The following CTNNA2 variants were observed in gnomAD, a reference collection of about 807,000 sequenced individuals.
CTNNA2 encodes catenin alpha-2.
Under a neutral mutation model 101.0 loss-of-function variants are expected in CTNNA2, and 42 were observed. The observed-to-expected ratio is 0.42, with a 90% confidence interval of 0.32 to 0.54. CTNNA2 has a LOEUF of 0.54. Among genes scored for constraint, CTNNA2 ranks in the 20% least tolerant of loss-of-function variants. The pLI is 0.14. For missense variants in CTNNA2, 871 were observed against 1,223.1 expected (o/e 0.71, Z 4.29); for synonymous variants, 450 against 456.4 (o/e 0.99, Z 0.18).
At chr2:80,105,052 G>T (rs1036720369) in intron 7 of CTNNA2, among the ~76,000 whole-genome samples, 1 of 152,126 alleles carries the variant, frequency 6.6e-6, no homozygotes, top group Non-Finnish European at 1.5e-5. Context: ...AAAGTTTCGT[G>T]CTTCTTCAAA....
intron 3 of CTNNA2, among the ~76,000 whole-genome samples, chr2:79,846,948 C>G (rs1680274229): frequency 6.6e-6 from 1 of 152,100 alleles, no homozygotes; most frequent in Admixed American, 6.5e-5. Context: ...TGTTAATTGG[C>G]TTAAAAAGTA....
intron 9 of CTNNA2, among the ~76,000 whole-genome samples, chr2:80,482,771 A>G (rs1470660663): frequency 1.3e-5 from 2 of 152,170 alleles, no homozygotes; most frequent in East Asian, 1.9e-4. Context: ...CAAATATGCA[A>G]TCTGATATCT....
chr2:80,429,102 T>C (rs1681251891), intron 9 of CTNNA2, among the ~76,000 whole-genome samples: 1 of 152,086 alleles, frequency 6.6e-6, no homozygotes, highest in South Asian at 2.1e-4. Flanking sequence ...AAGTATATAT[T>C]CCAGTACTAT....
intron 1 of CTNNA2, among the ~76,000 whole-genome samples, chr2:79,597,054 C>T (rs1677234897): frequency 6.6e-6 from 1 of 152,166 alleles, no homozygotes; most frequent in Non-Finnish European, 1.5e-5. Context: ...AATGTGGCCT[C>T]ATATATATAG....
intron 9 of CTNNA2, among the ~76,000 whole-genome samples, chr2:80,523,217 G>A (rs192667963): frequency 8.5e-5 from 13 of 152,194 alleles, no homozygotes; most frequent in African/African-American, 3.1e-4. Context: ...ATGTCAAGCA[G>A]CCTCAGTGGG....
At chr2:80,207,956 A>G (rs1342661474) in intron 7 of CTNNA2, among the ~76,000 whole-genome samples, 1 of 152,338 alleles carries the variant, frequency 6.6e-6, no homozygotes, top group Non-Finnish European at 1.5e-5. Flanking sequence ...ACAGGAAAAA[A>G]GAAATTGTCA....
intron 9 of CTNNA2, among the ~76,000 whole-genome samples, chr2:80,434,038 C>T (rs1681793329): frequency 6.6e-6 from 1 of 152,152 alleles, no homozygotes; most frequent in Admixed American, 6.5e-5. Flanking sequence ...AAATGACTGC[C>T]TCAGAATTCT....
intron 9 of CTNNA2, among the ~76,000 whole-genome samples, chr2:80,423,935 C>T (rs1025008686): frequency 6.6e-6 from 1 of 151,982 alleles, no homozygotes; most frequent in African/African-American, 2.4e-5. Context: ...AAGGGTAGGA[C>T]TGACTTAAAA....
At chr2:80,492,302 GACTCC>G (rs1221237341) in intron 9 of CTNNA2, among the ~76,000 whole-genome samples, 5 of 152,032 alleles carry the variant, frequency 3.3e-5, no homozygotes, top group Non-Finnish European at 5.9e-5. Flanking sequence ...GTTTCCTGAG[GACTCC>G]CCAGCCATGC....
chr2:79,897,156 A>G (rs918872874), intron 6 of CTNNA2, among the ~76,000 whole-genome samples: 25 of 152,290 alleles, frequency 1.6e-4, no homozygotes, highest in African/African-American at 5.5e-4. Flanking sequence ...CACAAAATTA[A>G]TCTAATAGAA....
At chr2:80,582,218 A>G (rs1394974205) in intron 14 of CTNNA2, among the ~76,000 whole-genome samples, 1 of 152,168 alleles carries the variant, frequency 6.6e-6, no homozygotes, top group Non-Finnish European at 1.5e-5. Flanking sequence ...GGCAATGACA[A>G]ATGAGGAATC....
chr2:79,850,670 C>T (rs1039682215), intron 3 of CTNNA2, among the ~76,000 whole-genome samples: 3 of 152,128 alleles, frequency 2.0e-5, no homozygotes, highest in Admixed American at 2.0e-4. Flanking sequence ...CACCACTTAC[C>T]ATCTGTTTGA....
At position 80,399,278 on chromosome 2, in the gene CTNNA2, T is replaced by TAGTC. The variant is rs565328251; in HGVS notation, c.1137+5989_1137+5992dup. Among the ~76,000 whole-genome samples the TAGTC allele has an allele frequency of 1.1e-4, 16 of 152,194 alleles. No homozygotes were observed. In the East Asian group the frequency reaches 2.9e-3, roughly 28 times the overall value. On this transcript the variant is annotated intron_variant, in intron 8 of 18. Coordinates refer to ENST00000402739, the MANE Select transcript of CTNNA2 (RefSeq NM_001282597.3). Reference sequence around the variant, plus strand: ...CACCATTTACTTATCACCTGGAAAATAGTCATTAGGCCAAGTCCAAAGTAC... The same window carrying TAGTC: ...CACCATTTACTTATCACCTGGAAAATAGTCAGTCATTAGGCCAAGTCCAAAGTAC...
intron 2 of CTNNA2, among the ~76,000 whole-genome samples, chr2:79,211,780 A>C (rs891255142): frequency 1.3e-5 from 2 of 152,194 alleles, no homozygotes; most frequent in African/African-American, 2.4e-5. Context: ...TATATTAATA[A>C]GAAAAATAAA....
At chr2:79,532,651 G>T (rs962580319) in intron 1 of CTNNA2, among the ~76,000 whole-genome samples, 1 of 151,598 alleles carries the variant, frequency 6.6e-6, no homozygotes, top group Non-Finnish European at 1.5e-5. Context: ...TCCAAAAACC[G>T]CCAAGCTGCT....
intron 9 of CTNNA2, among the ~76,000 whole-genome samples, chr2:80,506,516 T>C (rs1688292436): frequency 6.6e-6 from 1 of 152,134 alleles, no homozygotes; most frequent in South Asian, 2.1e-4. Flanking sequence ...TTGGGCAATT[T>C]AAAGGAATTT....
At chr2:79,945,376 GTAA>G (rs915198803) in intron 7 of CTNNA2, among the ~76,000 whole-genome samples, 1 of 152,114 alleles carries the variant, frequency 6.6e-6, no homozygotes, top group Non-Finnish European at 1.5e-5. Context: ...AATCTTAAAG[GTAA>G]TAATACTCCT....
intron 1 of CTNNA2, among the ~76,000 whole-genome samples, chr2:79,539,259 C>G (rs1362540798): frequency 6.6e-6 from 1 of 152,112 alleles, no homozygotes; most frequent in Non-Finnish European, 1.5e-5. Flanking sequence ...CCTTTCTGAT[C>G]TATTCATAAT....
chr2:79,816,211 A>G (rs917900616), intron 3 of CTNNA2, among the ~76,000 whole-genome samples: 10 of 152,028 alleles, frequency 6.6e-5, no homozygotes, highest in African/African-American at 2.4e-4. Context: ...GAGTGACAGT[A>G]TGACTTCCTC....
Sources: gnomAD v4.1 joint callset for allele counts (sites outside exome capture counted in the v4.1 genomes callset) on GRCh38, gnomAD v4.1.1 for gene constraint, MANE v1.5 for transcripts, NCBI Gene and HGNC (gene_info 2026-07-23, HGNC 2026-07-21) for gene names.